Variants in MAMDC2 observed in about 807,000 individuals in gnomAD.
The protein encoded by MAMDC2 is MAM domain containing 2.
MAMDC2 carries 57 observed loss-of-function variants against 89.8 expected under a neutral mutation model. That is an observed-to-expected ratio of 0.63 (90% CI 0.51 to 0.79). MAMDC2 has a LOEUF of 0.79. MAMDC2 is among the 30% of genes least tolerant of loss of function. MAMDC2 has a pLI of 0.00. For missense variants in MAMDC2, 800 were observed against 820.6 expected (o/e 0.97, Z 0.31); for synonymous variants, 313 against 293.4 (o/e 1.07, Z -0.68).
At chr9:70,097,782 T>C (rs1030596165) in intron 2 of MAMDC2, among the ~76,000 whole-genome samples, 4 of 152,174 alleles carry the variant, frequency 2.6e-5, no homozygotes, top group African/African-American at 9.6e-5. Context: ...GATGTAAGCT[T>C]ATACCTCTTG....
At chr9:70,087,798 C>T (rs912683809) in intron 2 of MAMDC2, among the ~76,000 whole-genome samples, 4 of 152,148 alleles carry the variant, frequency 2.6e-5, no homozygotes, top group African/African-American at 9.7e-5. Context: ...CATCCTCAAC[C>T]CTTAGTTGGT....
At chr9:70,069,058 G>A (rs974840280) in intron 2 of MAMDC2, among the ~76,000 whole-genome samples, 6 of 152,198 alleles carry the variant, frequency 3.9e-5, no homozygotes, top group African/African-American at 1.4e-4. Flanking sequence ...TTGCTTGGAA[G>A]GGGCAGAACC....
At chr9:70,063,708 C>A (rs1827201012) in intron 2 of MAMDC2, among the ~76,000 whole-genome samples, 2 of 152,268 alleles carry the variant, frequency 1.3e-5, no homozygotes, top group South Asian at 4.1e-4. Flanking sequence ...CTGGAACCTA[C>A]TTTGTGCCAT....
At chr9:70,118,297 AACACACAC>A (rs6151026) in intron 5 of MAMDC2, among the ~76,000 whole-genome samples, 2,278 of 140,490 alleles carry the variant, frequency 0.016, 88 homozygotes, top group African/African-American at 0.06. Flanking sequence ...ATCCCCACTC[AACACACAC>A]ACACACACAC....
intron 9 of MAMDC2, among the ~76,000 whole-genome samples, chr9:70,150,499 T>C (rs1001631376): frequency 6.6e-6 from 1 of 152,228 alleles, no homozygotes; most frequent in Non-Finnish European, 1.5e-5. Context: ...GAGTTCAACC[T>C]GGGTCAGAAC....
At chr9:70,207,947 T>A (rs6560059) in intron 11 of MAMDC2, among the ~76,000 whole-genome samples, 2 of 151,818 alleles carry the variant, frequency 1.3e-5, no homozygotes, top group East Asian at 3.9e-4. Context: ...GTTGTAGATG[T>A]GTGGTATTAT....
At chr9:70,085,016 C>G (rs774472970) in intron 2 of MAMDC2, among the ~76,000 whole-genome samples, 2 of 151,980 alleles carry the variant, frequency 1.3e-5, no homozygotes, top group Non-Finnish European at 2.9e-5. Flanking sequence ...TACTATATCA[C>G]ACTTCCTTTA....
chr9:70,120,190 C>T (rs115391788), intron 5 of MAMDC2, among the ~76,000 whole-genome samples: 4,005 of 152,264 alleles, frequency 0.026, 191 homozygotes, highest in African/African-American at 0.091. Context: ...TCTTCCCCTA[C>T]GGGTCCCTAT....
chr9:70,205,431 C>T (rs1185613256), intron 11 of MAMDC2, among the ~76,000 whole-genome samples: 1 of 152,076 alleles, frequency 6.6e-6, no homozygotes, highest in Non-Finnish European at 1.5e-5. Context: ...TATCTTTTTC[C>T]CCTGATTTTT....
At chr9:70,199,857 A>C (rs1214819528) in intron 11 of MAMDC2, among the ~76,000 whole-genome samples, 1 of 150,052 alleles carries the variant, frequency 6.7e-6, no homozygotes, top group Non-Finnish European at 1.5e-5. Flanking sequence ...TTCTTTTGAG[A>C]AGTGTCTGTT....
chr9:70,128,481 A>G (rs1202370701), intron 6 of MAMDC2, among the ~76,000 whole-genome samples: 3 of 152,122 alleles, frequency 2.0e-5, no homozygotes, highest in Non-Finnish European at 2.9e-5. Context: ...CCAGGTCCTT[A>G]TGGGACCATT....
At chr9:70,172,090 C>T (rs1003094464) in intron 11 of MAMDC2, 1 of 152,250 alleles carries the variant, frequency 6.6e-6, no homozygotes, top group Non-Finnish European at 1.5e-5. Flanking sequence ...TAAAGATCCT[C>T]TTTTCCCCAT....
intron 9 of MAMDC2, among the ~76,000 whole-genome samples, chr9:70,163,229 CTTT>C (rs66957093): frequency 5.6e-5 from 7 of 125,126 alleles, no homozygotes; most frequent in Non-Finnish European, 8.1e-5. Flanking sequence ...TTCTTTCTTT[CTTT>C]TTTTTTTTTT....
In MAMDC2 at chr9:70,170,599, C is replaced by T. The variant is rs1442588865; in HGVS notation, c.1619C>T (p.Thr540Ile). Residue 540 changes from threonine to isoleucine, a missense_variant, in exon 11 of 14, where the codon ACA becomes ATA. Transcript: ENST00000377182. ...RRRGETPTSY[T>I]GPKGDHTTGV... Reference sequence around the variant, plus strand: ...AGGGGAGAAACTCCCACTTCCTACACAGGACCAAAGGGAGATCACACTACT... The same window carrying T: ...AGGGGAGAAACTCCCACTTCCTACATAGGACCAAAGGGAGATCACACTACT... The T allele has an allele frequency of 1.9e-6, 3 of 1,611,860 alleles. No individual in the cohort carries two copies. The highest frequency in any genetic ancestry group is 1.7e-5 in the Admixed American group (1 of 59,828).
intron 2 of MAMDC2, among the ~76,000 whole-genome samples, chr9:70,048,755 G>T (rs1243093902): frequency 6.6e-6 from 1 of 152,190 alleles, no homozygotes; most frequent in African/African-American, 2.4e-5. Flanking sequence ...TGCCAGCTGT[G>T]GGGGCAGAGG....
At chr9:70,141,797 A>G (rs1563972448) in intron 8 of MAMDC2, among the ~76,000 whole-genome samples, 1 of 152,116 alleles carries the variant, frequency 6.6e-6, no homozygotes, top group South Asian at 2.1e-4. Flanking sequence ...AAATTGTGGG[A>G]AAGTGACTAG....
intron 9 of MAMDC2, among the ~76,000 whole-genome samples, chr9:70,164,552 T>C (rs560594049): frequency 6.6e-6 from 1 of 152,310 alleles, no homozygotes; most frequent in South Asian, 2.1e-4. Context: ...TAAATTTAAT[T>C]TGTCTCTAAC....
intron 11 of MAMDC2, among the ~76,000 whole-genome samples, chr9:70,191,348 G>A (rs1372732840): frequency 6.6e-6 from 1 of 151,506 alleles, no homozygotes; most frequent in Non-Finnish European, 1.5e-5. Context: ...TGGTGTAACT[G>A]TTTTATCTAT....
In MAMDC2 at chr9:70,218,595, A is replaced by C. The variant is rs148204053; in HGVS notation, c.1910A>C (p.Gln637Pro). The C allele has an allele frequency of 9.4e-6, 15 of 1,602,112 alleles. No individual in the cohort carries two copies. The highest frequency in any genetic ancestry group is 1.7e-4 in the Middle Eastern group (1 of 6,018). ...GAATACAGCTGTGAGAGGCAACACCAGGTAAGCCAACAGAGATAAGAACTA... is the reference window on the plus strand; with the variant it reads ...GAATACAGCTGTGAGAGGCAACACCCGGTAAGCCAACAGAGATAAGAACTA... ...LIEYSCERQH[Q>P]IIFEAIRGVS... The change falls in exon 12 of 14, where the codon CAG becomes CCG. Residue 637 changes from glutamine to proline, a missense_variant and splice_region_variant. By Grantham distance (76) the Gln-to-Pro change is moderately conservative (BLOSUM62 -1). Coordinates refer to ENST00000377182, the MANE Select transcript of MAMDC2 (RefSeq NM_153267.5).
Sources: allele counts gnomAD v4.1 joint callset (sites outside exome capture counted in the v4.1 genomes callset), GRCh38; gene constraint gnomAD v4.1.1; transcripts MANE v1.5; gene names NCBI Gene and HGNC (gene_info 2026-07-23, HGNC 2026-07-21).